Variants in YAE1 observed in about 807,000 individuals in gnomAD.
YAE1 encodes the protein YAE1 maturation factor of ABCE1, also known as protein YAE1 homolog.
A neutral mutation model predicts 23.0 loss-of-function variants in YAE1; 22 were observed. The observed-to-expected ratio is 0.96, with a 90% confidence interval of 0.68 to 1.37. The LOEUF (loss-of-function observed/expected upper bound fraction) is 1.37. Ranked by LOEUF, YAE1 falls within the 40% of genes most tolerant of loss-of-function variation. The probability of loss-of-function intolerance (pLI) is 0.00; values close to 1 mark genes in which losing one functional copy is unlikely to be tolerated. For missense variants in YAE1, 260 were observed against 262.1 expected (o/e 0.99, Z 0.06); for synonymous variants, 101 against 97.0 (o/e 1.04, Z -0.24).
intron 2 of YAE1, among the ~76,000 whole-genome samples, chr7:39,586,315 G>A (rs1397706354): frequency 6.6e-6 from 1 of 151,278 alleles, no homozygotes; most frequent in East Asian, 2.0e-4. Context: ...TGGGACTACA[G>A]GCGCCTGCCA....
At chr7:39,577,413 C>T (rs985044749), downstream of YAE1, among the ~76,000 whole-genome samples, 19 of 152,310 alleles carry the variant, frequency 1.2e-4, no homozygotes, top group African/African-American at 3.6e-4. Flanking sequence ...AGGCCGGAAC[C>T]GGCTCCCTCC....
chr7:39,585,641 A>G (rs963408524), intron 2 of YAE1, among the ~76,000 whole-genome samples: 1 of 152,222 alleles, frequency 6.6e-6, no homozygotes, highest in African/African-American at 2.4e-5. Context: ...GATTTTTTCT[A>G]TGTGCAGACT....
exon 3 of YAE1, chr7:39,610,040 TCAGCACC>T (rs1389372764): frequency 6.7e-7 from 1 of 1,482,678 alleles, no homozygotes; most frequent in Non-Finnish European, 8.9e-7. Flanking sequence ...GCCTCAGTCC[TCAGCACC>T]CAGCACCCAG....
chr7:39,609,844 C>G lies in YAE1; in HGVS notation c.479C>G (p.Pro160Arg), dbSNP rs898323703. 1.6e-5 allele frequency: 24 copies of G among 1,533,034 alleles called. No homozygotes were observed. In the Admixed American group the frequency reaches 2.8e-4, roughly 18 times the overall value. The allele number at this position is 1,533,034 out of a possible 1,614,324, so 95.0% of individuals were successfully genotyped here. The change falls in exon 3 of 3, where the codon CCG becomes CGG. Residue 160 changes from proline (P) to arginine (R), a missense_variant. Physicochemically the swap from Pro to Arg is moderately radical, Grantham distance 103 (BLOSUM62 -2). Coordinates refer to the YAE1 transcript ENST00000432096. ...CTCCGGGCCCCAGGCCCTGGGACGCCGAGCCACCGCCGGCGTTTCAGACGC... is the reference window on the plus strand; with the variant it reads ...CTCCGGGCCCCAGGCCCTGGGACGCGGAGCCACCGCCGGCGTTTCAGACGC...
At chr7:39,587,892 A>G (rs1451946758) in intron 2 of YAE1, among the ~76,000 whole-genome samples, 1 of 152,230 alleles carries the variant, frequency 6.6e-6, no homozygotes, top group African/African-American at 2.4e-5. Context: ...AACTTAGAAT[A>G]AAATTTAGAA....
At chr7:39,576,587 G>A (rs1255726446), downstream of YAE1, among the ~76,000 whole-genome samples, 9 of 152,008 alleles carry the variant, frequency 5.9e-5, no homozygotes, top group Admixed American at 2.0e-4. Flanking sequence ...TTTATTCCAC[G>A]TCCTTTCCCA....
intron 2 of YAE1, among the ~76,000 whole-genome samples, chr7:39,600,687 G>A (rs1325265492): frequency 1.3e-5 from 2 of 152,154 alleles, no homozygotes; most frequent in Admixed American, 6.5e-5. Flanking sequence ...GTGAGCCACC[G>A]CCCCTGGCCT....
At chr7:39,594,904 GT>G (rs1554292644) in intron 2 of YAE1, among the ~76,000 whole-genome samples, 1 of 151,880 alleles carries the variant, frequency 6.6e-6, no homozygotes, top group Non-Finnish European at 1.5e-5. Context: ...CCAGAACCTC[GT>G]TTTTTTAACC....
At chr7:39,607,711 C>T (rs1791151045) in intron 2 of YAE1, among the ~76,000 whole-genome samples, 2 of 152,236 alleles carry the variant, frequency 1.3e-5, no homozygotes, top group African/African-American at 2.4e-5. Flanking sequence ...CCCTGTTTCC[C>T]AGGCTGGAGT....
chr7:39,579,467 G>A (rs28562987), intron 2 of YAE1, among the ~76,000 whole-genome samples: 9,039 of 152,140 alleles, frequency 0.059, 552 homozygotes, highest in African/African-American at 0.15. Flanking sequence ...TCAGGAGTTC[G>A]AGACCAGCCT....
intron 2 of YAE1, among the ~76,000 whole-genome samples, chr7:39,596,101 T>G (rs1252221768): frequency 6.6e-6 from 1 of 152,206 alleles, no homozygotes; most frequent in African/African-American, 2.4e-5. Context: ...TAATTTTATT[T>G]TAGAGTTTGC....
At chr7:39,567,731 T>A (rs769381796) in intron 1 of YAE1, among the ~76,000 whole-genome samples, 2 of 152,208 alleles carry the variant, frequency 1.3e-5, no homozygotes, top group Admixed American at 6.5e-5. Context: ...TATTTTATAT[T>A]CTAAAGGAGA....
rs1011081501 is a variant in YAE1 at position 39,602,859 on chromosome 7, G to A, written c.252-6758G>A. Among the ~76,000 whole-genome samples, 3 of 151,902 alleles carry A rather than the reference G, an allele frequency of 2.0e-5. 1 individual carries two copies. The highest frequency in any genetic ancestry group is 4.1e-4 in the South Asian group (2 of 4,822). On this transcript the variant is annotated intron_variant, in intron 2 of 2. Transcript: ENST00000432096. ...TGCCTCCCATGTTCAAGCAATTCTC[G>A]TGCCTCGATCTCCCGAGTAGCTGGG...
chr7:39,604,781 T>C (rs1791105100), intron 2 of YAE1, among the ~76,000 whole-genome samples: 2 of 152,204 alleles, frequency 1.3e-5, no homozygotes, highest in African/African-American at 4.8e-5. Context: ...ATTTAAGATG[T>C]GTTCAGTTTA....
At chr7:39,569,102 G>A (rs1282423243) in intron 1 of YAE1, among the ~76,000 whole-genome samples, 1 of 152,102 alleles carries the variant, frequency 6.6e-6, no homozygotes, top group African/African-American at 2.4e-5. Flanking sequence ...ACTCAGATTT[G>A]AAACAGGTTA....
At chr7:39,587,012 C>CTT (rs776005281) in intron 2 of YAE1, among the ~76,000 whole-genome samples, 4 of 131,082 alleles carry the variant, frequency 3.1e-5, no homozygotes, top group Non-Finnish European at 5.2e-5. Context: ...TCTTTCTTTT[C>CTT]TTTTCTTTTC....
At chr7:39,579,197 T>A (rs1790705505) in intron 2 of YAE1, among the ~76,000 whole-genome samples, 1 of 152,202 alleles carries the variant, frequency 6.6e-6, no homozygotes, top group East Asian at 1.9e-4. Flanking sequence ...CAGAGCTGCT[T>A]TTATGCCCAT....
chr7:39,579,013 G>C (rs544863461), intron 2 of YAE1, among the ~76,000 whole-genome samples: 1 of 152,346 alleles, frequency 6.6e-6, no homozygotes, highest in Admixed American at 6.5e-5. Context: ...AACAAACCAA[G>C]ATGTTAGTTT....
intron 2 of YAE1, among the ~76,000 whole-genome samples, chr7:39,608,880 A>G (rs530181755): frequency 1.3e-5 from 2 of 152,338 alleles, no homozygotes; most frequent in South Asian, 4.1e-4. Context: ...GAAGTTATAT[A>G]ATTAAAACAA....
Sources: allele counts gnomAD v4.1 joint callset (sites outside exome capture counted in the v4.1 genomes callset), GRCh38; gene constraint gnomAD v4.1.1; transcripts MANE v1.5; gene names NCBI Gene and HGNC (gene_info 2026-07-23, HGNC 2026-07-21).